EYA4: variants seen among roughly 807,000 people sequenced by gnomAD.
EYA4 encodes the protein protein phosphatase EYA4.
EYA4 carries 31 observed loss-of-function variants against 87.9 expected under a neutral mutation model. The ratio of observed to expected loss-of-function variants is 0.35; its 90% confidence interval spans 0.27 to 0.48. The LOEUF is 0.48. Ranked by LOEUF, EYA4 falls within the 20% of genes least tolerant of loss-of-function variation. EYA4 has a pLI of 0.99. For synonymous variants in EYA4, 263 were observed against 270.6 expected, an observed-to-expected ratio of 0.97 and a Z score of 0.28; for missense variants, 678 against 761.4, an observed-to-expected ratio of 0.89 and a Z score of 1.29.
chr6:133,434,333 G>C (rs879663472), intron 3 of EYA4, among the ~76,000 whole-genome samples: 1 of 152,164 alleles, frequency 6.6e-6, no homozygotes, highest in Non-Finnish European at 1.5e-5. Context: ...AAAATGAAAG[G>C]GCTGCCTCTT....
intron 14 of EYA4, among the ~76,000 whole-genome samples, chr6:133,508,849 A>C (rs1798878079): frequency 6.6e-6 from 1 of 152,218 alleles, no homozygotes; most frequent in African/African-American, 2.4e-5. Context: ...TGGTAGAAGT[A>C]GTTCATGAGA....
chr6:133,456,169 G>A (rs1343319435), intron 5 of EYA4, among the ~76,000 whole-genome samples: 3 of 151,716 alleles, frequency 2.0e-5, no homozygotes, highest in African/African-American at 7.3e-5. Context: ...TATCTTCCTG[G>A]GAAAAATAAA....
At chr6:133,335,684 G>C (rs907720310) in intron 2 of EYA4, among the ~76,000 whole-genome samples, 1 of 152,128 alleles carries the variant, frequency 6.6e-6, no homozygotes, top group Non-Finnish European at 1.5e-5. Context: ...TTCTAGGTGG[G>C]GGAAATAATG....
chr6:133,450,661 G>A (rs189470723), intron 5 of EYA4, among the ~76,000 whole-genome samples: 64 of 152,164 alleles, frequency 4.2e-4, no homozygotes, highest in African/African-American at 1.4e-3. Context: ...ACGCCACCAC[G>A]CCCATCAGGC....
At chr6:133,401,721 C>T (rs952671760) in intron 3 of EYA4, among the ~76,000 whole-genome samples, 1 of 152,140 alleles carries the variant, frequency 6.6e-6, no homozygotes, top group African/African-American at 2.4e-5. Flanking sequence ...ATTATGTGTA[C>T]TGTTTGACAC....
chr6:133,462,470 C>G lies in EYA4; in HGVS notation c.573C>G (p.Pro191=), dbSNP rs2128658837. Residue 191 remains proline, a synonymous_variant, in exon 8 of 20, where the codon CCC becomes CCG. Transcript: ENST00000355286. ...YSQTGQPYSL[P]TYDLGVMLPA... ...AGACAGGACAGCCCTACAGCTTGCC[C>G]ACTTACGGTATTTCACATCTTCTGT... The G allele has an allele frequency of 6.2e-7, 1 of 1,613,856 alleles. No homozygotes were observed. The highest frequency in any genetic ancestry group is 1.1e-5 in the South Asian group (1 of 91,068).
intron 3 of EYA4, among the ~76,000 whole-genome samples, chr6:133,419,966 G>C (rs1355463312): frequency 6.6e-6 from 1 of 152,144 alleles, no homozygotes; most frequent in East Asian, 1.9e-4. Context: ...GTCCCATTTA[G>C]TATGTGTTAT....
intron 13 of EYA4, among the ~76,000 whole-genome samples, chr6:133,503,569 A>C (rs1203809159): frequency 6.6e-6 from 1 of 152,198 alleles, no homozygotes; most frequent in Non-Finnish European, 1.5e-5. Flanking sequence ...ACAGAGCGTC[A>C]CTAATGGAAT....
At chr6:133,481,387 A>C (rs1796204773) in intron 11 of EYA4, 76 bp from the exon 12 acceptor site, 1 of 1,389,204 alleles carries the variant, frequency 7.2e-7, no homozygotes, top group African/African-American at 1.4e-5. Flanking sequence ...GAATTTGTTA[A>C]GATAATTAAT....
chr6:133,393,069 A>C (rs1458491089), intron 3 of EYA4, among the ~76,000 whole-genome samples: 2 of 152,192 alleles, frequency 1.3e-5, no homozygotes, highest in Non-Finnish European at 2.9e-5. Context: ...GAGGGCAACA[A>C]CCATCTCTGA....
chr6:133,282,820 G>T (rs1264545125), intron 2 of EYA4, among the ~76,000 whole-genome samples: 1 of 152,108 alleles, frequency 6.6e-6, no homozygotes, highest in Non-Finnish European at 1.5e-5. Context: ...AGGAAGAAGG[G>T]TAGCACCAAG....
chr6:133,243,992 G>A (rs1367564490), intron 1 of EYA4, among the ~76,000 whole-genome samples: 1 of 152,140 alleles, frequency 6.6e-6, no homozygotes, highest in Non-Finnish European at 1.5e-5. Context: ...AAAGTTGTAA[G>A]TCATTCAAAG....
chr6:133,316,918 C>T (rs1780672074), intron 2 of EYA4, among the ~76,000 whole-genome samples: 1 of 152,172 alleles, frequency 6.6e-6, no homozygotes, highest in Non-Finnish European at 1.5e-5. Context: ...TTCCTTTGGC[C>T]TGCATAGAAG....
chr6:133,380,180 C>A (rs1339514373), intron 2 of EYA4, among the ~76,000 whole-genome samples: 2 of 152,084 alleles, frequency 1.3e-5, no homozygotes, highest in Non-Finnish European at 2.9e-5. Flanking sequence ...TCTCATTTGA[C>A]CAAGAACAAA....
At chr6:133,329,846 C>T (rs909292984) in intron 2 of EYA4, among the ~76,000 whole-genome samples, 8 of 151,904 alleles carry the variant, frequency 5.3e-5, no homozygotes, top group Non-Finnish European at 8.8e-5. Context: ...TATTTATAGA[C>T]GTGAATGGTG....
chr6:133,425,178 T>C lies in EYA4; in HGVS notation c.84-21452T>C, dbSNP rs148816155. ...AATCTTTCACAGAAGAATATATATA[T>C]GCGCCTATAAATTTTGTCATATGCA... On this transcript the variant is annotated intron_variant, in intron 3 of 19. Coordinates refer to ENST00000355286, the MANE Select transcript of EYA4 (RefSeq NM_004100.5). Among the ~76,000 whole-genome samples the C allele has an allele frequency of 1.9e-3, 282 of 150,908 alleles. 23 individuals carry two copies. The highest frequency in any genetic ancestry group is 6.6e-3 in the African/African-American group (265 of 40,354).
chr6:133,273,514 T>C (rs1487976282), intron 1 of EYA4, among the ~76,000 whole-genome samples: 2 of 152,200 alleles, frequency 1.3e-5, no homozygotes, highest in Non-Finnish European at 2.9e-5. Flanking sequence ...GTCCGATTGT[T>C]TCTTTAGATT....
chr6:133,456,897 AAACTT>A (rs1334605513), intron 6 of EYA4, among the ~76,000 whole-genome samples: 4 of 152,214 alleles, frequency 2.6e-5, no homozygotes, highest in African/African-American at 4.8e-5. Flanking sequence ...ATGGATAAGT[AAACTT>A]AACTTCCTTC....
intron 1 of EYA4, among the ~76,000 whole-genome samples, chr6:133,249,343 G>A (rs2128227569): frequency 6.6e-6 from 1 of 152,266 alleles, no homozygotes; most frequent in African/African-American, 2.4e-5. Flanking sequence ...ATATCTTGAT[G>A]CCTCTCCTGG....
Sources: gnomAD v4.1 joint callset for allele counts (sites outside exome capture counted in the v4.1 genomes callset) on GRCh38, gnomAD v4.1.1 for gene constraint, MANE v1.5 for transcripts, NCBI Gene and HGNC (gene_info 2026-07-23, HGNC 2026-07-21) for gene names.